The following RAB38 variants were observed in gnomAD, a reference collection of about 807,000 sequenced individuals.
RAB38 encodes the protein RAB38, member RAS oncogene family, also known as ras-related protein Rab-38.
In RAB38, 15 loss-of-function variants were observed where a neutral mutation model predicts 18.4. That is an observed-to-expected ratio of 0.82 (90% CI 0.55 to 1.26). The LOEUF (loss-of-function observed/expected upper bound fraction) is 1.26, where lower values mean the gene tolerates loss of function less well. Ranked by LOEUF, RAB38 falls within the 50% of genes most tolerant of loss-of-function variation. The pLI, the probability that RAB38 is intolerant of heterozygous loss-of-function variation, is 0.00. For synonymous variants in RAB38, 101 were observed against 104.4 expected (o/e 0.97, Z 0.20); for missense variants, 294 against 267.4 (o/e 1.10, Z -0.69).
chr11:88,072,872 C>T, the RAB38 span, among the ~76,000 whole-genome samples: 1 of 151,966 alleles, frequency 6.6e-6, no homozygotes, highest in South Asian at 2.1e-4. Context: ...TGCCTCCCCA[C>T]TCTTCAAAAT....
chr11:87,963,670 G>A, the RAB38 span, among the ~76,000 whole-genome samples: 9 of 146,904 alleles, frequency 6.1e-5, no homozygotes, highest in Admixed American at 5.5e-4. Flanking sequence ...TTTTTGAGAC[G>A]GATTCTTGCT....
chr11:87,975,299 G>A, the RAB38 span, among the ~76,000 whole-genome samples: 6 of 151,926 alleles, frequency 3.9e-5, no homozygotes, highest in African/African-American at 9.6e-5. Flanking sequence ...AATTTTAGGC[G>A]GATACGACTC....
intron 2 of RAB38, among the ~76,000 whole-genome samples, chr11:88,139,017 C>T (rs1942872219): frequency 6.6e-6 from 1 of 152,090 alleles, no homozygotes. Flanking sequence ...ATCTCCTGAC[C>T]TCATGATCCA....
the RAB38 span, among the ~76,000 whole-genome samples, chr11:87,944,316 C>T: frequency 1.3e-5 from 2 of 152,126 alleles, no homozygotes; most frequent in Non-Finnish European, 2.9e-5. Flanking sequence ...CCCAATAAGG[C>T]AAACCACAAT....
At chr11:87,883,512 CGTTGT>C in the RAB38 span, among the ~76,000 whole-genome samples, 1 of 151,756 alleles carries the variant, frequency 6.6e-6, no homozygotes, top group Non-Finnish European at 1.5e-5. Flanking sequence ...AATGGCAGCC[CGTTGT>C]GTATTTGGAT....
the RAB38 span, among the ~76,000 whole-genome samples, chr11:87,858,127 T>A: frequency 6.6e-6 from 1 of 152,184 alleles, no homozygotes; most frequent in Admixed American, 6.6e-5. Flanking sequence ...GGGAATCCTT[T>A]CCCCATTTCT....
the RAB38 span, among the ~76,000 whole-genome samples, chr11:88,043,766 C>A: frequency 6.6e-6 from 1 of 152,160 alleles, no homozygotes; most frequent in African/African-American, 2.4e-5. Context: ...TCACACAAAG[C>A]CTGTTTGGTG....
At chr11:87,845,998 T>C in the RAB38 span, among the ~76,000 whole-genome samples, 1 of 152,120 alleles carries the variant, frequency 6.6e-6, no homozygotes, top group Admixed American at 6.6e-5. Flanking sequence ...CATGTGTCAC[T>C]AACAGATATT....
At chr11:88,054,023 A>C in the RAB38 span, among the ~76,000 whole-genome samples, 1 of 152,192 alleles carries the variant, frequency 6.6e-6, no homozygotes, top group African/African-American at 2.4e-5. Context: ...CCAAGTCATT[A>C]AACCTGCCTT....
At chr11:88,075,471 G>T in the RAB38 span, among the ~76,000 whole-genome samples, 1 of 152,144 alleles carries the variant, frequency 6.6e-6, no homozygotes, top group Non-Finnish European at 1.5e-5. Flanking sequence ...AGAAGAAAAT[G>T]TAAGAGTTTC....
the RAB38 span, among the ~76,000 whole-genome samples, chr11:87,957,591 T>C: frequency 6.6e-6 from 1 of 152,192 alleles, no homozygotes; most frequent in African/African-American, 2.4e-5. Context: ...CAGATTATTC[T>C]TGGGCTCTCT....
the RAB38 span, among the ~76,000 whole-genome samples, chr11:87,915,513 T>C: frequency 2.0e-5 from 3 of 152,080 alleles, no homozygotes; most frequent in Admixed American, 6.6e-5. Flanking sequence ...CATGACAGTT[T>C]ACAGATGTCA....
chr11:87,848,013 T>C, the RAB38 span, among the ~76,000 whole-genome samples: 1 of 152,174 alleles, frequency 6.6e-6, no homozygotes. Flanking sequence ...AGTAGAGTTT[T>C]ATTCTATTAA....
the RAB38 span, among the ~76,000 whole-genome samples, chr11:87,897,657 C>G: frequency 4.5e-4 from 68 of 151,624 alleles, no homozygotes; most frequent in South Asian, 5.4e-3. Context: ...AACACCAGCC[C>G]ATACGAAATT....
chr11:87,852,158 TG>T, the RAB38 span, among the ~76,000 whole-genome samples: 3 of 152,132 alleles, frequency 2.0e-5, no homozygotes, highest in Non-Finnish European at 2.9e-5. Context: ...TCCTTTCCTC[TG>T]GGTATAGAGA....
chr11:88,035,824 A>T, the RAB38 span, among the ~76,000 whole-genome samples: 578 of 152,242 alleles, frequency 3.8e-3, 2 homozygotes, highest in African/African-American at 0.013. Context: ...TTCAGGAGGA[A>T]AAATAGTGGT....
the RAB38 span, among the ~76,000 whole-genome samples, chr11:88,004,028 A>G: frequency 7.2e-6 from 1 of 138,492 alleles, no homozygotes; most frequent in Non-Finnish European, 1.6e-5. Flanking sequence ...CTTCTCTTCT[A>G]TTTTATATAT....
At chr11:88,032,141 A>T in the RAB38 span, among the ~76,000 whole-genome samples, 5 of 152,024 alleles carry the variant, frequency 3.3e-5, no homozygotes, top group Non-Finnish European at 7.4e-5. Context: ...ATGATTCCCT[A>T]TTTAATAAAT....
At chr11:87,860,784 AT>A in the RAB38 span, among the ~76,000 whole-genome samples, 5 of 151,422 alleles carry the variant, frequency 3.3e-5, no homozygotes, top group Admixed American at 6.6e-5. Context: ...GTGAAAGCTA[AT>A]TTTTTTTTAT....
Sources: allele counts gnomAD v4.1 joint callset (sites outside exome capture counted in the v4.1 genomes callset), GRCh38; gene constraint gnomAD v4.1.1; transcripts MANE v1.5; gene names NCBI Gene and HGNC (gene_info 2026-07-23, HGNC 2026-07-21).